Variants in ETFA observed in about 807,000 individuals in gnomAD.
ETFA encodes electron transfer flavoprotein subunit alpha.
A neutral mutation model predicts 46.2 loss-of-function variants in ETFA; 22 were observed. The ratio of observed to expected loss-of-function variants is 0.48; its 90% CI spans 0.34 to 0.68. The LOEUF (loss-of-function observed/expected upper bound fraction) is 0.68. ETFA is among the 30% of genes least tolerant of loss of function. The probability of loss-of-function intolerance (pLI) is 0.01; values close to 1 mark genes in which losing one functional copy is unlikely to be tolerated. For missense variants in ETFA, 345 were observed against 401.1 expected (o/e 0.86, Z 1.19); for synonymous variants, 131 against 139.9 (o/e 0.94, Z 0.45).
chr15:76,269,096 T>A (rs2039502407), intron 9 of ETFA, among the ~76,000 whole-genome samples: 2 of 152,192 alleles, frequency 1.3e-5, no homozygotes, highest in African/African-American at 4.8e-5. Flanking sequence ...CACTTGCAGA[T>A]TTTGTTCTAA....
intron 9 of ETFA, chr15:76,260,787 G>T (rs1351666816): frequency 6.2e-7 from 1 of 1,605,098 alleles, no homozygotes; most frequent in East Asian, 2.2e-5. Flanking sequence ...AGCATAAGGA[G>T]AGGGCCCCAA....
chr15:76,307,642 G>A (rs1374676050), intron 1 of ETFA, among the ~76,000 whole-genome samples: 1 of 150,818 alleles, frequency 6.6e-6, no homozygotes, highest in Non-Finnish European at 1.5e-5. Flanking sequence ...GTGAACCATG[G>A]CGCCTGGCTA....
chr15:76,233,062 C>G (rs2039085702), intron 9 of ETFA, among the ~76,000 whole-genome samples: 1 of 152,248 alleles, frequency 6.6e-6, no homozygotes, highest in African/African-American at 2.4e-5. Context: ...TTACCAAAAG[C>G]CTGAAGACAA....
intron 1 of ETFA, among the ~76,000 whole-genome samples, chr15:76,301,765 C>A (rs994657332): frequency 1.3e-5 from 2 of 151,142 alleles, no homozygotes; most frequent in Non-Finnish European, 2.9e-5. Flanking sequence ...AGAACACAAG[C>A]CATAGACTGG....
In ETFA at chr15:76,292,437, G is replaced by A. The variant is rs760557143; in HGVS notation, c.345C>T (p.Phe115=). ...ACATTCTCAACCTTCTCACCTTTCCGAAGGCAGATGCTCCAGCACAGATGT... is the reference window on the plus strand; with the variant it reads ...ACATTCTCAACCTTCTCACCTTTCCAAAGGCAGATGCTCCAGCACAGATGT... The part of the protein sequence containing the change: ...YTHICAGASA[F]GKNLLPRVAA... The change falls in exon 4 of 12, where the codon TTC becomes TTT. Residue 115 remains phenylalanine (F), a synonymous_variant. Coordinates refer to ENST00000557943, the MANE Select transcript of ETFA (RefSeq NM_000126.4). 34 of 1,611,420 alleles carry A rather than the reference G, an allele frequency of 2.1e-5. No homozygotes were observed. Among genetic ancestry groups the A allele is most frequent in the African/African-American group, 4.0e-5 (3 of 74,864 alleles).
chr15:76,262,324 G>C (rs940215349), intron 9 of ETFA, among the ~76,000 whole-genome samples: 2 of 150,360 alleles, frequency 1.3e-5, no homozygotes, highest in Admixed American at 6.6e-5. Context: ...CAGAACAAAA[G>C]TGAGGAAAAA....
At chr15:76,262,473 CCTT>C (rs1468327542) in intron 9 of ETFA, among the ~76,000 whole-genome samples, 2 of 118,650 alleles carry the variant, frequency 1.7e-5, no homozygotes, top group South Asian at 2.8e-4. Flanking sequence ...AATCAAACCC[CCTT>C]TTTTTTTTTT....
intron 8 of ETFA, among the ~76,000 whole-genome samples, chr15:76,279,381 T>C (rs2039626015): frequency 6.6e-6 from 1 of 152,020 alleles, no homozygotes; most frequent in Non-Finnish European, 1.5e-5. Flanking sequence ...GCTTAAGTGA[T>C]TTCTCCTGCC....
chr15:76,262,961 T>C (rs1175209528), intron 9 of ETFA, among the ~76,000 whole-genome samples: 3 of 152,166 alleles, frequency 2.0e-5, no homozygotes, highest in African/African-American at 4.8e-5. Context: ...TACCTAAGAA[T>C]AGATGTGTCA....
At chr15:76,260,456 T>C (rs2039397577) in intron 9 of ETFA, 10 of 1,575,172 alleles carry the variant, frequency 6.3e-6, no homozygotes, top group Non-Finnish European at 8.7e-6. Flanking sequence ...CCTTCTGGCC[T>C]GCATGGTCAT....
intron 1 of ETFA, among the ~76,000 whole-genome samples, chr15:76,307,532 G>C (rs1023419097): frequency 6.6e-6 from 1 of 151,388 alleles, no homozygotes; most frequent in African/African-American, 2.4e-5. Context: ...TGTTGCCCAG[G>C]CCGGAGGGCA....
At chr15:76,239,447 T>A (rs1051916216) in intron 9 of ETFA, among the ~76,000 whole-genome samples, 2 of 152,162 alleles carry the variant, frequency 1.3e-5, no homozygotes, top group East Asian at 3.8e-4. Flanking sequence ...AATCCACTCT[T>A]ATTAACTATA....
chr15:76,218,442 T>G (rs963292321), intron 11 of ETFA, among the ~76,000 whole-genome samples: 1 of 152,170 alleles, frequency 6.6e-6, no homozygotes, highest in Non-Finnish European at 1.5e-5. Context: ...TAATTTTTTT[T>G]GTATTTTTAG....
chr15:76,285,843 G>A, intron 6 of ETFA, 105 bp from the exon 7 acceptor site: 1 of 766,986 alleles, frequency 1.3e-6, no homozygotes, highest in Non-Finnish European at 2.3e-6. Flanking sequence ...CGAAATTTAA[G>A]TTAATTACTG....
Position 76,260,982 on chromosome 15 carries a change from C to T in ETFA, c.816+13430G>A. 7 of 1,610,058 alleles carry T rather than the reference C, an allele frequency of 4.3e-6. No homozygotes were observed. The South Asian group carries it at 5.5e-5, about 13-fold the overall frequency. Reference sequence around the variant, plus strand: ...ATCAGCACCTGGCATCCAGGCCACACTAGTGTTGCCGCTGGAAAGCTTTGT... The same window carrying T: ...ATCAGCACCTGGCATCCAGGCCACATTAGTGTTGCCGCTGGAAAGCTTTGT... On this transcript the variant is annotated intron_variant, in intron 9 of 11. Transcript: ENST00000557943.
rs537476921 is a variant in ETFA at position 76,261,644 on chromosome 15, G to A, written c.816+12768C>T. 82 of 389,894 alleles carry A rather than the reference G, an allele frequency of 2.1e-4. 1 individual carries two copies. In the South Asian group the frequency reaches 2.3e-3, roughly 11 times the overall value. 24.2% of individuals were successfully genotyped at this position (389,894 alleles called of 1,614,324 possible). Reference sequence around the variant, plus strand: ...CAGCAGCAGCCCCAGCTGCTGTGGCGGCAGCAGCAGGAGCCCCAGCCGCCC... The same window carrying A: ...CAGCAGCAGCCCCAGCTGCTGTGGCAGCAGCAGCAGGAGCCCCAGCCGCCC... On this transcript the variant is annotated intron_variant, in intron 9 of 11. Coordinates refer to ENST00000557943, the MANE Select transcript of ETFA (RefSeq NM_000126.4).
chr15:76,291,047 C>A (rs906418582), intron 4 of ETFA, among the ~76,000 whole-genome samples: 3 of 152,012 alleles, frequency 2.0e-5, no homozygotes, highest in African/African-American at 4.8e-5. Context: ...GAGACTACAT[C>A]GATACAAAAA....
chr15:76,273,983 ATAAGAC>A (rs1381691893), intron 9 of ETFA: 1 of 192,494 alleles, frequency 5.2e-6, no homozygotes, highest in African/African-American at 2.4e-5. Flanking sequence ...TCAGGAAGAT[ATAAGAC>A]TAAAACTGTC....
At chr15:76,311,280 G>T in intron 1 of ETFA, 70 bp downstream of exon 1, 1 of 1,517,486 alleles carries the variant, frequency 6.6e-7, no homozygotes, top group Non-Finnish European at 8.9e-7. Flanking sequence ...AGTGATCTTT[G>T]CAAGACCCCA....
Sources: allele counts gnomAD v4.1 joint callset (sites outside exome capture counted in the v4.1 genomes callset), GRCh38; gene constraint gnomAD v4.1.1; transcripts MANE v1.5; gene names NCBI Gene and HGNC (gene_info 2026-07-23, HGNC 2026-07-21).